KIF21A: variants seen among roughly 807,000 people sequenced by gnomAD.
KIF21A encodes kinesin family member 21A, also known as kinesin-like protein KIF21A.
KIF21A carries 114 observed loss-of-function variants against 202.9 expected under a neutral mutation model. The ratio of observed to expected loss-of-function variants is 0.56; its 90% CI spans 0.48 to 0.66. The LOEUF is 0.66. Among genes scored for constraint, KIF21A ranks in the 30% least tolerant of loss-of-function variants. The pLI is 0.00. For synonymous variants in KIF21A, 667 were observed against 670.8 expected (o/e 0.99, Z 0.09); for missense variants, 1,677 against 1,994.9 (o/e 0.84, Z 3.04).
At position 39,322,787 on chromosome 12, in the gene KIF21A, G is replaced by C; in HGVS notation, c.3552C>G (p.Gly1184=). The C allele has an allele frequency of 1.9e-6, 3 of 1,614,012 alleles. No individual in the cohort carries two copies. The highest frequency in any genetic ancestry group is 2.5e-6 in the Non-Finnish European group (3 of 1,179,908). ...DTSTGDASLP[G]PLTPVAEGQE... ...GCCCTTCTGCAACAGGTGTGAGAGG[G>C]CCAGGCAAGGAGGCATCTCCTGTAC... Residue 1184 remains glycine (G), a synonymous_variant, in exon 27 of 38, where the codon GGC becomes GGG. Transcript: ENST00000361418.
intron 27 of KIF21A, among the ~76,000 whole-genome samples, chr12:39,320,404 A>G (rs1945080981): frequency 6.6e-6 from 1 of 152,196 alleles, no homozygotes; most frequent in Non-Finnish European, 1.5e-5. Context: ...AATATGAGAA[A>G]CAATGAGATT....
chr12:39,344,554 G>A (rs548967417), intron 12 of KIF21A, among the ~76,000 whole-genome samples: 17 of 152,146 alleles, frequency 1.1e-4, no homozygotes, highest in African/African-American at 3.9e-4. Context: ...CCAAACATTT[G>A]ACCCAACATA....
At chr12:39,418,211 C>T (rs1455644127) in intron 1 of KIF21A, among the ~76,000 whole-genome samples, 1 of 150,212 alleles carries the variant, frequency 6.7e-6, no homozygotes, top group Non-Finnish European at 1.5e-5. Context: ...AAAAAAAGAG[C>T]AAAGAGTAGC....
At chr12:39,417,568 T>A (rs1953870589) in intron 1 of KIF21A, among the ~76,000 whole-genome samples, 1 of 152,162 alleles carries the variant, frequency 6.6e-6, no homozygotes, top group African/African-American at 2.4e-5. Context: ...GCTTCCTTCA[T>A]CTTATTACCT....
chr12:39,301,339 T>A (rs1942940482), intron 37 of KIF21A, 141 bp downstream of exon 37: 1 of 790,062 alleles, frequency 1.3e-6, no homozygotes, highest in East Asian at 2.7e-5. Flanking sequence ...TCAGAAAATA[T>A]GAATAAGACA....
At chr12:39,305,873 AC>A (rs1044501252) in intron 34 of KIF21A, among the ~76,000 whole-genome samples, 3 of 152,216 alleles carry the variant, frequency 2.0e-5, no homozygotes, top group Non-Finnish European at 2.9e-5. Context: ...TATTACACAC[AC>A]ATTTTCACAA....
intron 33 of KIF21A, among the ~76,000 whole-genome samples, chr12:39,308,336 C>T (rs1301109973): frequency 4.0e-5 from 6 of 150,926 alleles, no homozygotes; most frequent in African/African-American, 2.4e-5. Context: ...GGCAGTGAGC[C>T]GAGATTGCAC....
chr12:39,431,699 T>A (rs182217171), intron 1 of KIF21A, among the ~76,000 whole-genome samples: 2 of 152,296 alleles, frequency 1.3e-5, no homozygotes, highest in Admixed American at 1.3e-4. Context: ...TGAAAAATTA[T>A]GATTAGGTTA....
At chr12:39,340,492 T>C in intron 15 of KIF21A, 128 bp from the exon 16 acceptor site, 1 of 682,962 alleles carries the variant, frequency 1.5e-6, no homozygotes, top group Non-Finnish European at 2.5e-6. Context: ...GACTAGGGTG[T>C]CTTTCAATCA....
In KIF21A at chr12:39,442,837, C is replaced by A. The variant is rs1023700212; in HGVS notation, c.44+90G>T. The A allele has an allele frequency of 1.4e-5, 20 of 1,470,942 alleles. No homozygotes were observed. In the African/African-American group the frequency reaches 2.8e-4, roughly 20 times the overall value. The allele number at this position is 1,470,942 out of a possible 1,614,324, so 91.1% of individuals were successfully genotyped here. The stretch of plus-strand genomic sequence containing the variant: ...CCGGGACGCCCCTCAGGTCGCTCCA[C>A]CCCGGTAGCCGGTGCTCCGCGCCAC... On this transcript the variant is annotated intron_variant, in intron 1 of 37. Coordinates refer to ENST00000361418, the MANE Select transcript of KIF21A (RefSeq NM_001173464.2). The surrounding 1 kb of genome is among the most constrained non-coding windows in gnomAD (Gnocchi z 5.0).
chr12:39,428,196 A>G (rs1160274171), intron 1 of KIF21A, among the ~76,000 whole-genome samples: 1 of 152,248 alleles, frequency 6.6e-6, no homozygotes, highest in Non-Finnish European at 1.5e-5. Flanking sequence ...TAGTCCACTT[A>G]ACTGTCTACC....
intron 1 of KIF21A, among the ~76,000 whole-genome samples, chr12:39,384,186 T>G (rs1950794205): frequency 6.6e-6 from 1 of 152,140 alleles, no homozygotes; most frequent in South Asian, 2.1e-4. Context: ...ACCAAAGAAA[T>G]GTGCTTTGCT....
In KIF21A at chr12:39,336,166, G is replaced by A. The variant is rs542619294; in HGVS notation, c.2418+930C>T. Reference sequence around the variant, plus strand: ...ACTCCTGGGCTCAAAGCAATCCTCCGGCCTCAGTCTCTCAAAGTGCTGGCT... The same window carrying A: ...ACTCCTGGGCTCAAAGCAATCCTCCAGCCTCAGTCTCTCAAAGTGCTGGCT... On this transcript the variant is annotated intron_variant, in intron 17 of 37. Transcript: ENST00000361418. Among the ~76,000 whole-genome samples the A allele has an allele frequency of 1.1e-4, 17 of 151,922 alleles. 1 individual carries two copies. Among genetic ancestry groups the A allele is most frequent in the Admixed American group, 4.6e-4 (7 of 15,248 alleles).
Position 39,442,628 on chromosome 12 carries a change from G to A in KIF21A, c.44+299C>T, listed in dbSNP as rs1316682687. 6.6e-6 allele frequency among the ~76,000 whole-genome samples: 1 copy of A among 152,184 alleles called. No homozygotes were observed. Among genetic ancestry groups the A allele is most frequent in the East Asian group, 1.9e-4 (1 of 5,180 alleles). On this transcript the variant is annotated intron_variant, in intron 1 of 37. Coordinates refer to ENST00000361418, the MANE Select transcript of KIF21A (RefSeq NM_001173464.2). The surrounding 1 kb of genome is among the most constrained non-coding windows in gnomAD (Gnocchi z 5.0). The stretch of plus-strand genomic sequence containing the variant: ...ACTGATCCCGCGAGGGGACGGAGGG[G>A]AGTGACGAGGGCTTTTCCCCCAGAG...
rs139726587 is a variant in KIF21A, at chr12:39,405,900, C to T, written c.45-35639G>A. Among the ~76,000 whole-genome samples the T allele has an allele frequency of 2.6e-3, 399 of 152,148 alleles. 3 individuals carry two copies. Among genetic ancestry groups the T allele is most frequent in the African/African-American group, 8.8e-3 (365 of 41,546 alleles). ...CACTCAGTAGTGGACAAAATAGTAA[C>T]AAGACAGTTACAAACCCATCATTAT... is the stretch of plus-strand genomic sequence containing the variant. On this transcript the variant is annotated intron_variant, in intron 1 of 37. Transcript: ENST00000361418.
chr12:39,441,367 T>C (rs1338960677), intron 1 of KIF21A, among the ~76,000 whole-genome samples: 1 of 152,072 alleles, frequency 6.6e-6, no homozygotes, highest in Admixed American at 6.5e-5. Context: ...AGACAAATTG[T>C]CTGTTTTCAG....
At chr12:39,417,314 TGAG>T (rs1319290264) in intron 1 of KIF21A, among the ~76,000 whole-genome samples, 1 of 152,150 alleles carries the variant, frequency 6.6e-6, no homozygotes, top group Non-Finnish European at 1.5e-5. Flanking sequence ...CAGAATCACG[TGAG>T]GAGAACAGAA....
intron 1 of KIF21A, among the ~76,000 whole-genome samples, chr12:39,379,054 GGGTGT>G (rs1950442359): frequency 6.6e-6 from 1 of 152,088 alleles, no homozygotes; most frequent in Non-Finnish European, 1.5e-5. Context: ...AGAATTGGCC[GGGTGT>G]GGTGATTCAT....
At chr12:39,382,763 A>T (rs73086881) in intron 1 of KIF21A, among the ~76,000 whole-genome samples, 45,336 of 152,012 alleles carry the variant, frequency 0.3, 8,541 homozygotes, top group African/African-American at 0.53. Context: ...CCCTCCCAAA[A>T]AAACAATTAA....
Sources: allele counts gnomAD v4.1 joint callset (sites outside exome capture counted in the v4.1 genomes callset), GRCh38; gene constraint gnomAD v4.1.1; non-coding constraint Gnocchi (gnomAD v3.1); transcripts MANE v1.5; gene names NCBI Gene and HGNC (gene_info 2026-07-23, HGNC 2026-07-21).